PRELID2: variants seen among roughly 807,000 people sequenced by gnomAD.
PRELID2 encodes PRELI domain containing 2, also known as PRELI domain-containing protein 2.
Under a neutral mutation model 28.4 loss-of-function variants are expected in PRELID2, and 25 were observed. That is an observed-to-expected ratio of 0.88 (90% CI 0.64 to 1.23). The LOEUF is 1.23. Ranked by LOEUF, PRELID2 falls within the 50% of genes most tolerant of loss-of-function variation. The pLI, the probability that PRELID2 is intolerant of heterozygous loss-of-function variation, is 0.00. For synonymous variants in PRELID2, 76 were observed against 71.6 expected, an observed-to-expected ratio of 1.06 and a Z score of -0.31; for missense variants, 201 against 214.4, an observed-to-expected ratio of 0.94 and a Z score of 0.39.
chr5:145,784,615 A>G lies in PRELID2; in HGVS notation c.474+11827T>C, dbSNP rs1011014993. On this transcript the variant is annotated intron_variant, in intron 5 of 6. Coordinates refer to ENST00000683046, the MANE Select transcript of PRELID2 (RefSeq NM_205846.3). Reference sequence around the variant, plus strand: ...TTTATATTCAAAAATTTATTCCAATATTATTCATAATAGTGAAGAAAAATA... The same window carrying G: ...TTTATATTCAAAAATTTATTCCAATGTTATTCATAATAGTGAAGAAAAATA... 2.0e-5 allele frequency among the ~76,000 whole-genome samples: 3 copies of G among 152,198 alleles called. No individual in the cohort carries two copies. In the East Asian group the frequency reaches 5.8e-4, roughly 29 times the overall value.
chr5:145,428,208 C>T, the PRELID2 span, among the ~76,000 whole-genome samples: 2 of 152,138 alleles, frequency 1.3e-5, no homozygotes, highest in Admixed American at 1.3e-4. Flanking sequence ...TTCCATCCAT[C>T]TCAGCCTCCC....
the PRELID2 span, among the ~76,000 whole-genome samples, chr5:145,330,888 C>T: frequency 6.6e-6 from 1 of 152,098 alleles, no homozygotes; most frequent in African/African-American, 2.4e-5. Flanking sequence ...TTAGATCTTT[C>T]CGGCTTTCTC....
At chr5:145,667,302 C>A (rs564353004) in intron 1 of PRELID2, among the ~76,000 whole-genome samples, 1 of 151,960 alleles carries the variant, frequency 6.6e-6, no homozygotes, top group Non-Finnish European at 1.5e-5. Context: ...GTTTTAAAGA[C>A]CTGCATTCAA....
chr5:145,572,928 C>A (rs1308607584), intron 1 of PRELID2, among the ~76,000 whole-genome samples: 1 of 152,112 alleles, frequency 6.6e-6, no homozygotes, highest in East Asian at 1.9e-4. Context: ...GCATGAGAGA[C>A]CCATCTGGCT....
At chr5:145,635,204 T>C (rs1032982914) in intron 1 of PRELID2, among the ~76,000 whole-genome samples, 1 of 152,218 alleles carries the variant, frequency 6.6e-6, no homozygotes, top group Non-Finnish European at 1.5e-5. Flanking sequence ...TTTGTGTCTG[T>C]CTCTTCAACT....
chr5:145,329,391 A>T, the PRELID2 span, among the ~76,000 whole-genome samples: 2 of 152,142 alleles, frequency 1.3e-5, no homozygotes, highest in African/African-American at 4.8e-5. Flanking sequence ...TTTTTACAAT[A>T]TTGATTCTTC....
At chr5:145,504,559 G>A (rs758657256) in intron 1 of PRELID2, among the ~76,000 whole-genome samples, 17 of 152,126 alleles carry the variant, frequency 1.1e-4, no homozygotes, top group Non-Finnish European at 5.9e-5. Flanking sequence ...GTAAGGCAAC[G>A]TGGGGTCATG....
intron 4 of PRELID2, among the ~76,000 whole-genome samples, chr5:145,804,828 A>G (rs1387288048): frequency 6.6e-6 from 1 of 152,182 alleles, no homozygotes; most frequent in South Asian, 2.1e-4. Context: ...TCCTGAGTTG[A>G]TGGCGAAGCT....
intron 4 of PRELID2, among the ~76,000 whole-genome samples, chr5:145,799,343 C>CA (rs1234797163): frequency 6.6e-6 from 1 of 151,998 alleles, no homozygotes; most frequent in African/African-American, 2.4e-5. Context: ...AGCTCATCAC[C>CA]ACTACAGATT....
chr5:145,466,995 A>G (rs1752007989), downstream of PRELID2, among the ~76,000 whole-genome samples: 1 of 152,102 alleles, frequency 6.6e-6, no homozygotes, highest in South Asian at 2.1e-4. Context: ...ATTAGTCTCA[A>G]CCAGGGTCAC....
chr5:145,477,093 T>C (rs1752109052), intron 1 of PRELID2, among the ~76,000 whole-genome samples: 1 of 152,212 alleles, frequency 6.6e-6, no homozygotes, highest in Non-Finnish European at 1.5e-5. Context: ...TATCCAGTAA[T>C]CTTTTCATGG....
At chr5:145,623,681 T>TGGATATCGTGGATATCCAA (rs1753804508) in intron 1 of PRELID2, among the ~76,000 whole-genome samples, 1 of 152,118 alleles carries the variant, frequency 6.6e-6, no homozygotes, top group African/African-American at 2.4e-5. Flanking sequence ...ATCCACACCT[T>TGGATATCGTGGATATCCAA]GTGGATCATC....
chr5:145,811,273 A>C (rs1481485995), intron 4 of PRELID2, among the ~76,000 whole-genome samples: 1 of 151,952 alleles, frequency 6.6e-6, no homozygotes, highest in East Asian at 1.9e-4. Flanking sequence ...GCTACAACTC[A>C]AGATGAGATT....
chr5:145,297,388 G>T, the PRELID2 span, among the ~76,000 whole-genome samples: 1 of 151,918 alleles, frequency 6.6e-6, no homozygotes, highest in Non-Finnish European at 1.5e-5. Flanking sequence ...CTCAATAGAT[G>T]CAGAAAAGGC....
chr5:145,804,147 A>T (rs1185972046), intron 4 of PRELID2, among the ~76,000 whole-genome samples: 1 of 152,168 alleles, frequency 6.6e-6, no homozygotes, highest in East Asian at 1.9e-4. Context: ...AAATGATAGA[A>T]TCTCAGAGGC....
chr5:145,832,313 A>C (rs909763137), intron 1 of PRELID2, among the ~76,000 whole-genome samples: 1 of 152,066 alleles, frequency 6.6e-6, no homozygotes, highest in Non-Finnish European at 1.5e-5. Context: ...CCTCCCGAGT[A>C]GCTGGGATTA....
chr5:145,662,519 CA>C (rs1248923629), intron 1 of PRELID2, among the ~76,000 whole-genome samples: 1 of 152,102 alleles, frequency 6.6e-6, no homozygotes, highest in African/African-American at 2.4e-5. Flanking sequence ...CTTCAAAACT[CA>C]TGTTGAAACT....
intron 1 of PRELID2, among the ~76,000 whole-genome samples, chr5:145,508,507 A>C (rs1172687487): frequency 1.3e-5 from 2 of 152,004 alleles, no homozygotes; most frequent in African/African-American, 4.8e-5. Flanking sequence ...TCCCCCATTT[A>C]ATGGGATGGT....
At chr5:145,659,113 C>T (rs1017014048) in intron 1 of PRELID2, among the ~76,000 whole-genome samples, 4 of 152,148 alleles carry the variant, frequency 2.6e-5, no homozygotes, top group African/African-American at 4.8e-5. Context: ...TCGGATCACA[C>T]GCAAAGTGGT....
Sources: gnomAD v4.1 joint callset for allele counts (sites outside exome capture counted in the v4.1 genomes callset) on GRCh38, gnomAD v4.1.1 for gene constraint, MANE v1.5 for transcripts, NCBI Gene and HGNC (gene_info 2026-07-23, HGNC 2026-07-21) for gene names.